The following HDAC7 variants were observed in gnomAD, a reference collection of about 807,000 sequenced individuals.
HDAC7 encodes the protein histone deacetylase 7A.
Under a neutral mutation model 115.5 loss-of-function variants are expected in HDAC7, and 26 were observed. The observed-to-expected ratio is 0.23, with a 90% confidence interval of 0.16 to 0.31. The LOEUF is 0.31. Among genes scored for constraint, HDAC7 ranks in the 10% least tolerant of loss-of-function variants. The probability of loss-of-function intolerance (pLI) is 1.00; values close to 1 mark genes in which losing one functional copy is unlikely to be tolerated. For missense variants in HDAC7, 1,068 were observed against 1,329.0 expected (o/e 0.80, Z 3.05); for synonymous variants, 564 against 550.9 (o/e 1.02, Z -0.33).
At chr12:47,813,928 G>T (rs1944773177) in intron 1 of HDAC7, among the ~76,000 whole-genome samples, 1 of 152,258 alleles carries the variant, frequency 6.6e-6, no homozygotes, top group Admixed American at 6.5e-5. Flanking sequence ...TGGGAGAAGA[G>T]GTTGGAGGTG....
intron 1 of HDAC7, among the ~76,000 whole-genome samples, chr12:47,805,196 G>A (rs1451528215): frequency 2.0e-5 from 3 of 151,586 alleles, no homozygotes; most frequent in Non-Finnish European, 4.4e-5. Context: ...TCAGCCTCCA[G>A]AGTAGCTGGG....
At chr12:47,813,616 GA>G in intron 1 of HDAC7, 2 of 152,688 alleles carry the variant, frequency 1.3e-5, no homozygotes, top group East Asian at 1.9e-4. Flanking sequence ...CAAGATGGAG[GA>G]AAAAGGAAGT....
At chr12:47,789,226 T>A (rs1157687269) in intron 19 of HDAC7, 35 bp downstream of exon 19, 1 of 1,511,302 alleles carries the variant, frequency 6.6e-7, no homozygotes, top group Non-Finnish European at 9.2e-7. Context: ...CCCCCAGGGC[T>A]CTCGAATTGG....
intron 1 of HDAC7, among the ~76,000 whole-genome samples, chr12:47,806,566 T>G (rs1369180653): frequency 2.6e-5 from 4 of 152,086 alleles, no homozygotes; most frequent in Admixed American, 6.6e-5. Context: ...GCGGGGAGCA[T>G]GTAGTCCAGC....
rs532424527 is a variant in HDAC7 at position 47,800,790 on chromosome 12, G to A, written c.70+1434C>T. On this transcript the variant is annotated intron_variant, in intron 2 of 25. Transcript: ENST00000080059. Reference sequence around the variant, plus strand: ...CGGACTGTGAGCAGACCCCCAGCAGGGGCCCTTCCCCTCACACTCTGCATG... The same window carrying A: ...CGGACTGTGAGCAGACCCCCAGCAGAGGCCCTTCCCCTCACACTCTGCATG... Among the ~76,000 whole-genome samples the A allele has an allele frequency of 7.4e-4, 112 of 152,308 alleles. 1 individual carries two copies. Among genetic ancestry groups the A allele is most frequent in the African/African-American group, 2.6e-3 (109 of 41,560 alleles).
rs187734102 is a variant in HDAC7, at chr12:47,793,902, T to C, written c.1459-314A>G. Among the ~76,000 whole-genome samples the C allele has an allele frequency of 6.6e-6, 1 of 152,334 alleles. No individual in the cohort carries two copies. The highest frequency in any genetic ancestry group is 1.9e-4 in the East Asian group (1 of 5,182). ...CAGGATGTCCTCCTGTCCTGGACTA[T>C]GTAACTGTTCAAGAACATGTGTGTG... is the stretch of plus-strand genomic sequence containing the variant. On this transcript the variant is annotated intron_variant, in intron 12 of 25. Transcript: ENST00000080059. This position sits in a 1 kb window ranked among gnomAD's most constrained non-coding sequence, Gnocchi z 4.5.
chr12:47,802,637 G>C, intron 1 of HDAC7: 1 of 656,640 alleles, frequency 1.5e-6, no homozygotes, highest in South Asian at 2.0e-5. Context: ...CCCATCGCCC[G>C]AGGGAAAGAA....
At chr12:47,791,454 T>C (rs542071287) in intron 15 of HDAC7, 132 bp downstream of exon 15, 1 of 1,408,542 alleles carries the variant, frequency 7.1e-7, no homozygotes, top group African/African-American at 1.4e-5. Flanking sequence ...GAGGAGGGGC[T>C]TGGCAGCAAG....
At chr12:47,786,019 G>T (rs1289064563) in intron 22 of HDAC7, 134 bp from the exon 23 acceptor site, 3 of 932,490 alleles carry the variant, frequency 3.2e-6, no homozygotes, top group African/African-American at 1.7e-5. Flanking sequence ...TTTCCAAAGT[G>T]CTTTCACATT....
At chr12:47,816,013 T>C (rs1944838914) in intron 1 of HDAC7, among the ~76,000 whole-genome samples, 1 of 150,374 alleles carries the variant, frequency 6.7e-6, no homozygotes, top group Admixed American at 6.7e-5. Flanking sequence ...TGCCTCAGCC[T>C]CCCGAGTAGC....
rs530309966 is a variant in HDAC7 at position 47,795,069 on chromosome 12, C to T, written c.1284+115G>A. ...TGCAGCTCTGGGCCCCAAGAAGCCA[C>T]ATCCCCCTCTTTTGCCCTCCAGTTC... On this transcript the variant is annotated intron_variant, in intron 11 of 25. Coordinates refer to ENST00000080059, the MANE Select transcript of HDAC7 (RefSeq NM_015401.5). The surrounding 1 kb of genome is among the most constrained non-coding windows in gnomAD (Gnocchi z 4.3). The T allele has an allele frequency of 6.8e-6, 9 of 1,318,290 alleles. No individual in the cohort carries two copies. The Admixed American group carries it at 1.6e-4, about 24-fold the overall frequency. The allele number at this position is 1,318,290 out of a possible 1,614,324, so 81.7% of individuals were successfully genotyped here.
intron 22 of HDAC7, among the ~76,000 whole-genome samples, chr12:47,786,172 G>A (rs1943163222): frequency 6.6e-6 from 1 of 152,112 alleles, no homozygotes; most frequent in South Asian, 2.1e-4. Flanking sequence ...CTTTTTCACT[G>A]AGCTACACCC....
chr12:47,805,096 G>A (rs1171194534), intron 1 of HDAC7, among the ~76,000 whole-genome samples: 4 of 149,716 alleles, frequency 2.7e-5, no homozygotes, highest in African/African-American at 4.9e-5. Flanking sequence ...TTTGAGGTAC[G>A]GTCTTGTTCT....
chr12:47,817,056 A>T (rs1170057914), intron 1 of HDAC7, among the ~76,000 whole-genome samples: 4 of 152,214 alleles, frequency 2.6e-5, no homozygotes, highest in Non-Finnish European at 5.9e-5. Flanking sequence ...ACCTTCCTGT[A>T]GCCCTAAGGC....
chr12:47,807,403 T>C (rs1944451321), intron 1 of HDAC7, among the ~76,000 whole-genome samples: 1 of 152,228 alleles, frequency 6.6e-6, no homozygotes. Context: ...ATGAGGTATT[T>C]ACTGTTTTAT....
In HDAC7 at chr12:47,784,236, T is replaced by C; in HGVS notation, c.2792-19A>G. On this transcript the variant is annotated intron_variant, in intron 24 of 25. Coordinates refer to ENST00000080059, the MANE Select transcript of HDAC7 (RefSeq NM_015401.5). ...TATTTACCTGGGGTAAGATGCCAGG[T>C]CAGAAAGGGTTGGAGAAAGCAAGCC... 1 of 1,603,266 alleles carries C rather than the reference T, an allele frequency of 6.2e-7. No homozygotes were observed. The highest frequency in any genetic ancestry group is 8.5e-7 in the Non-Finnish European group (1 of 1,174,912).
rs1042210553 is a variant in HDAC7 at position 47,797,800 on chromosome 12, G to T, written c.462-301C>A. Among the ~76,000 whole-genome samples the T allele has an allele frequency of 2.6e-5, 4 of 151,338 alleles. No homozygotes were observed. The East Asian group carries it at 7.7e-4, about 29-fold the overall frequency. ...GCTCTGGGAACCAGGACATTTTTGC[G>T]CTCAGGGAAAATATAAAGAGAGAAG... On this transcript the variant is annotated intron_variant, in intron 5 of 25. Coordinates refer to ENST00000080059, the MANE Select transcript of HDAC7 (RefSeq NM_015401.5). This position sits in a 1 kb window ranked among gnomAD's most constrained non-coding sequence, Gnocchi z 5.5.
rs891341853 is a variant in HDAC7, at chr12:47,783,460, G to A, written c.*381C>T. On this transcript the variant is annotated 3_prime_UTR_variant, in exon 26 of 26. Transcript: ENST00000080059. ...ACATTTCTGTGTGGAGCCTGAGGCTGTGTGCAAAGTCTGGGGTTTGCAGAG... is the reference window on the plus strand; with the variant it reads ...ACATTTCTGTGTGGAGCCTGAGGCTATGTGCAAAGTCTGGGGTTTGCAGAG... The A allele has an allele frequency of 7.6e-6, 2 of 263,602 alleles. No homozygotes were observed. The highest frequency in any genetic ancestry group is 4.6e-5 in the Admixed American group (1 of 21,968). The allele number at this position is 263,602 out of a possible 1,614,324, so 16.3% of individuals were successfully genotyped here.
At chr12:47,791,555 G>A (rs1381850470) in intron 15 of HDAC7, 31 bp downstream of exon 15, 2 of 1,587,038 alleles carry the variant, frequency 1.3e-6, no homozygotes, top group Non-Finnish European at 1.7e-6. Flanking sequence ...AGGTAAGCTG[G>A]CATGGGGAGA....
Sources: allele counts gnomAD v4.1 joint callset (sites outside exome capture counted in the v4.1 genomes callset), GRCh38; gene constraint gnomAD v4.1.1; non-coding constraint Gnocchi (gnomAD v3.1); transcripts MANE v1.5; gene names NCBI Gene and HGNC (gene_info 2026-07-23, HGNC 2026-07-21).